DAB1: variants seen among roughly 807,000 people sequenced by gnomAD.
The protein encoded by DAB1 is DAB adaptor protein 1.
Under a neutral mutation model 64.6 loss-of-function variants are expected in DAB1, and 15 were observed. The observed-to-expected ratio is 0.23, with a 90% CI of 0.16 to 0.36. The LOEUF is 0.36. DAB1 is among the 10% of genes least tolerant of loss of function. DAB1 has a pLI of 1.00. For synonymous variants in DAB1, 235 were observed against 251.9 expected (o/e 0.93, Z 0.64); for missense variants, 596 against 706.7 (o/e 0.84, Z 1.78).
intron 9 of DAB1, among the ~76,000 whole-genome samples, chr1:57,057,650 C>G (rs1389800177): frequency 6.6e-6 from 1 of 151,296 alleles, no homozygotes; most frequent in Non-Finnish European, 1.5e-5. Context: ...TTCTGTTGCC[C>G]AGGCTGGAGT....
intron 5 of DAB1, among the ~76,000 whole-genome samples, chr1:58,128,588 T>C (rs907221590): frequency 2.3e-5 from 3 of 130,770 alleles, no homozygotes; most frequent in African/African-American, 8.9e-5. Flanking sequence ...ATATTGGCTG[T>C]GGGTTTGTCA....
chr1:57,509,761 T>C (rs1644386323), intron 7 of DAB1, among the ~76,000 whole-genome samples: 2 of 152,344 alleles, frequency 1.3e-5, no homozygotes, highest in Non-Finnish European at 1.5e-5. Flanking sequence ...GTCTCCTCTC[T>C]GCTCCCTTGC....
At chr1:58,148,318 T>C (rs1211900458) in intron 5 of DAB1, among the ~76,000 whole-genome samples, 1 of 152,186 alleles carries the variant, frequency 6.6e-6, no homozygotes, top group African/African-American at 2.4e-5. Context: ...GCCAGATTGA[T>C]ATTTTCAGAA....
intron 5 of DAB1, among the ~76,000 whole-genome samples, chr1:58,062,782 C>G (rs1489247473): frequency 6.6e-6 from 1 of 152,200 alleles, no homozygotes; most frequent in African/African-American, 2.4e-5. Flanking sequence ...ATACTACACA[C>G]CATGCTCGCC....
intron 7 of DAB1, among the ~76,000 whole-genome samples, chr1:57,595,804 C>A (rs775757561): frequency 6.6e-6 from 1 of 152,030 alleles, no homozygotes; most frequent in Admixed American, 6.5e-5. Context: ...ATGTGTAGCA[C>A]CTCCCCACCT....
At chr1:57,799,594 C>A (rs1054733845) in intron 6 of DAB1, among the ~76,000 whole-genome samples, 4 of 142,884 alleles carry the variant, frequency 2.8e-5, no homozygotes, top group African/African-American at 1.0e-4. Context: ...CTGGGGGGGG[C>A]TTTCAGGAAG....
intron 7 of DAB1, among the ~76,000 whole-genome samples, chr1:57,583,437 C>G (rs1645339081): frequency 6.6e-6 from 1 of 151,986 alleles, no homozygotes; most frequent in African/African-American, 2.4e-5. Context: ...CACGCGCGCG[C>G]CAATATGCCC....
intron 4 of DAB1, among the ~76,000 whole-genome samples, chr1:58,319,166 CT>C (rs1662626216): frequency 6.6e-6 from 1 of 152,072 alleles, no homozygotes; most frequent in African/African-American, 2.4e-5. Flanking sequence ...AAATGGCACA[CT>C]TTGCTTAGAT....
chr1:58,541,614 C>CAAAAAAAAAAAAAAACCAAAAA (rs1646617391), intron 1 of DAB1: 1 of 65,622 alleles, frequency 1.5e-5, no homozygotes, highest in Non-Finnish European at 2.7e-5. Flanking sequence ...GAGAACCTGT[C>CAAAAAAAAAAAAAAACCAAAAA]AAAAAAAAAA....
intron 7 of DAB1, among the ~76,000 whole-genome samples, chr1:57,436,575 G>T (rs191371453): frequency 4.2e-4 from 64 of 152,260 alleles, no homozygotes; most frequent in African/African-American, 1.5e-3. Context: ...ATATAAACAA[G>T]ATGTTCTGTG....
intron 9 of DAB1, among the ~76,000 whole-genome samples, chr1:57,028,723 G>C (rs1570539787): frequency 1.3e-5 from 2 of 152,290 alleles, no homozygotes; most frequent in East Asian, 3.9e-4. Flanking sequence ...TTTTAGCAAA[G>C]AGACCAGTGA....
rs140818093 is a variant in DAB1 at position 58,497,656 on chromosome 1, G to A, written n.257+8404C>T. 1.7e-3 allele frequency among the ~76,000 whole-genome samples: 257 copies of A among 152,246 alleles called. No individual in the cohort carries two copies. The Middle Eastern group carries it at 0.017, about 10-fold the overall frequency. ...TTTTCTCAGAGAAATATGTATCTAC[G>A]AAGGAAATCTCTAATTTGCAAGTAT... On this transcript the variant is annotated intron_variant and non_coding_transcript_variant, in intron 3 of 20. Coordinates refer to the DAB1 transcript ENST00000485760.
chr1:57,424,610 T>A (rs1363231444), upstream of DAB1, among the ~76,000 whole-genome samples: 1 of 152,162 alleles, frequency 6.6e-6, no homozygotes, highest in Non-Finnish European at 1.5e-5. Context: ...CTCGAAAACA[T>A]ATGCATACCC....
intron 5 of DAB1, among the ~76,000 whole-genome samples, chr1:57,915,320 T>C (rs921619350): frequency 6.6e-6 from 1 of 152,200 alleles, no homozygotes; most frequent in Non-Finnish European, 1.5e-5. Context: ...AAATTATCTT[T>C]AGAAATATAT....
chr1:57,433,912 T>C (rs112129947), intron 7 of DAB1, among the ~76,000 whole-genome samples: 142 of 149,840 alleles, frequency 9.5e-4, no homozygotes, highest in African/African-American at 3.4e-3. Flanking sequence ...ATATCACTGA[T>C]CCAGAGGAAT....
intron 3 of DAB1, among the ~76,000 whole-genome samples, chr1:58,450,631 G>A (rs1055062419): frequency 3.0e-4 from 45 of 152,284 alleles, no homozygotes; most frequent in Non-Finnish European, 5.0e-4. Flanking sequence ...GCAGGCACCT[G>A]TAGTCCCAGC....
intron 2 of DAB1, among the ~76,000 whole-genome samples, chr1:58,517,667 A>G (rs576350187): frequency 6.6e-6 from 1 of 152,258 alleles, no homozygotes; most frequent in South Asian, 2.1e-4. Flanking sequence ...AATGTCATGA[A>G]GATATTATGT....
rs185539693 is a variant in DAB1 at position 57,509,870 on chromosome 1, G to A, written n.625+139722C>T. Among the ~76,000 whole-genome samples the A allele has an allele frequency of 3.4e-4, 52 of 152,170 alleles. 1 individual carries two copies. The East Asian group carries it at 9.1e-3, about 27-fold the overall frequency. ...TTCCCATTTAAAACAAATGACAGAC[G>A]AAAACCTTTCCTCAACCCCACATTA... is the stretch of plus-strand genomic sequence containing the variant. On this transcript the variant is annotated intron_variant and non_coding_transcript_variant, in intron 7 of 20. Transcript: ENST00000485760.
chr1:57,465,094 A>G (rs1026279970), intron 7 of DAB1, among the ~76,000 whole-genome samples: 1 of 152,180 alleles, frequency 6.6e-6, no homozygotes, highest in East Asian at 1.9e-4. Flanking sequence ...ACATACAGAT[A>G]GGCTTCCTGT....
Sources: gnomAD v4.1 joint callset for allele counts (sites outside exome capture counted in the v4.1 genomes callset) on GRCh38, gnomAD v4.1.1 for gene constraint, MANE v1.5 for transcripts, NCBI Gene and HGNC (gene_info 2026-07-23, HGNC 2026-07-21) for gene names.